PPP2R3A: variants seen among roughly 807,000 people sequenced by gnomAD.
The protein encoded by PPP2R3A is protein phosphatase 2 regulatory subunit B''alpha.
PPP2R3A carries 80 observed loss-of-function variants against 106.9 expected under a neutral mutation model. That is an observed-to-expected ratio of 0.75 (90% confidence interval 0.62 to 0.90). The LOEUF is 0.90. Among genes scored for constraint, PPP2R3A ranks in the 40% least tolerant of loss-of-function variants. The pLI is 0.00. For synonymous variants in PPP2R3A, 483 were observed against 468.3 expected (o/e 1.03, Z -0.41); for missense variants, 1,386 against 1,350.4 (o/e 1.03, Z -0.41).
At chr3:136,117,065 G>T (rs1296197056) in intron 13 of PPP2R3A, among the ~76,000 whole-genome samples, 1 of 152,138 alleles carries the variant, frequency 6.6e-6, no homozygotes, top group African/African-American at 2.4e-5. Flanking sequence ...AATCAAATTA[G>T]AACTCGGGAT....
chr3:136,083,319 G>A (rs1405488186), intron 8 of PPP2R3A, among the ~76,000 whole-genome samples: 2 of 152,162 alleles, frequency 1.3e-5, no homozygotes, highest in Non-Finnish European at 2.9e-5. Context: ...ATGGGAGTGG[G>A]TCTTTCCCAT....
chr3:136,098,057 T>C (rs910283661), intron 10 of PPP2R3A, among the ~76,000 whole-genome samples: 1 of 152,242 alleles, frequency 6.6e-6, no homozygotes, highest in African/African-American at 2.4e-5. Context: ...TCTTTAATAA[T>C]AATGTTAAAC....
intron 8 of PPP2R3A, among the ~76,000 whole-genome samples, chr3:136,087,245 GTCTCTCTCTCTCTCTC>G (rs34566151): frequency 0.024 from 1,781 of 75,136 alleles, 61 homozygotes; most frequent in African/African-American, 0.071. Context: ...CTCTAGTCGT[GTCTCTCTCTCTCTCTC>G]TCTCTCTCTC....
chr3:136,093,734 G>A lies in PPP2R3A; in HGVS notation c.2927+3067G>A, dbSNP rs998101964. On this transcript the variant is annotated intron_variant, in intron 10 of 13. Transcript: ENST00000264977. Reference sequence around the variant, plus strand: ...TTCACACTAGGATAGTTATCAAAGAGTCAGATAATAACAGGTGCTGCCAAG... The same window carrying A: ...TTCACACTAGGATAGTTATCAAAGAATCAGATAATAACAGGTGCTGCCAAG... Among the ~76,000 whole-genome samples, 2 of 152,162 alleles carry A rather than the reference G, an allele frequency of 1.3e-5. 1 individual carries two copies. The highest frequency in any genetic ancestry group is 4.1e-4 in the South Asian group (2 of 4,836).
chr3:136,018,755 TA>T (rs1934364264), intron 2 of PPP2R3A, among the ~76,000 whole-genome samples: 1 of 152,042 alleles, frequency 6.6e-6, no homozygotes, highest in African/African-American at 2.4e-5. Context: ...AGAAAAAAAA[TA>T]TTTAGTTTTT....
At chr3:136,034,248 G>A (rs1183504948) in intron 3 of PPP2R3A, among the ~76,000 whole-genome samples, 3 of 152,032 alleles carry the variant, frequency 2.0e-5, no homozygotes, top group Non-Finnish European at 2.9e-5. Context: ...TGTTTGCCAG[G>A]ATGGTCTCGA....
At chr3:136,075,454 G>A (rs1936563705) in intron 6 of PPP2R3A, among the ~76,000 whole-genome samples, 2 of 152,170 alleles carry the variant, frequency 1.3e-5, no homozygotes, top group African/African-American at 4.8e-5. Flanking sequence ...CAGTGATGTG[G>A]AAACCAACAA....
In PPP2R3A at chr3:136,040,874, C is replaced by T. The variant is rs776568514; in HGVS notation, c.2278C>T (p.Leu760Phe). The change falls in exon 4 of 14, where the codon CTC (leucine) becomes TTC (phenylalanine). Residue 760 changes from leucine to phenylalanine, a missense_variant. By Grantham distance (22) the Leu-to-Phe change is conservative. Transcript: ENST00000264977. The part of the protein sequence containing the change: ...GKIAKVCGCP[L>F]YWKAPMFRAA... ...CTATTTGCAGGTCTGTGGCTGTCCT[C>T]TCTATTGGAAAGCCCCCATGTTCAG... The T allele has an allele frequency of 3.7e-6, 6 of 1,612,768 alleles. No homozygotes were observed. Among genetic ancestry groups the T allele is most frequent in the Non-Finnish European group, 5.1e-6 (6 of 1,179,482 alleles).
At chr3:136,005,281 A>G (rs1369684188) in intron 2 of PPP2R3A, among the ~76,000 whole-genome samples, 2 of 152,216 alleles carry the variant, frequency 1.3e-5, no homozygotes, top group Non-Finnish European at 2.9e-5. Flanking sequence ...CCCATTATGT[A>G]TATGCAGATA....
chr3:135,978,178 C>G (rs184283333), intron 1 of PPP2R3A, among the ~76,000 whole-genome samples: 1 of 152,078 alleles, frequency 6.6e-6, no homozygotes, highest in Admixed American at 6.5e-5. Context: ...GCCAAGCATG[C>G]CTTATATTTA....
chr3:136,097,353 T>G (rs1270422791), intron 10 of PPP2R3A, among the ~76,000 whole-genome samples: 4 of 152,224 alleles, frequency 2.6e-5, no homozygotes, highest in Non-Finnish European at 4.4e-5. Context: ...AGGCAGCCTG[T>G]TCATTTTTCT....
intron 2 of PPP2R3A, among the ~76,000 whole-genome samples, chr3:136,013,558 A>AGGT (rs920339970): frequency 6.6e-6 from 1 of 152,114 alleles, no homozygotes; most frequent in Admixed American, 6.5e-5. Context: ...TGCAGGAGTA[A>AGGT]GGTGGTATCG....
Position 136,145,393 on chromosome 3 carries a change from C to A in PPP2R3A, c.*227C>A. The A allele has an allele frequency of 2.7e-6, 1 of 371,934 alleles. No individual in the cohort carries two copies. The highest frequency in any genetic ancestry group is 4.8e-6 in the Non-Finnish European group (1 of 206,550). 23.0% of individuals were successfully genotyped at this position (371,934 alleles called of 1,614,324 possible). On this transcript the variant is annotated 3_prime_UTR_variant, in exon 14 of 14. Coordinates refer to ENST00000264977, the MANE Select transcript of PPP2R3A (RefSeq NM_002718.5). The stretch of plus-strand genomic sequence containing the variant: ...ACGGAGCTTCTCCTCAGAAGTGGTA[C>A]CATCGCCTTCCAAAGTCAGCACTCT...
intron 1 of PPP2R3A, among the ~76,000 whole-genome samples, chr3:135,998,559 C>T (rs1307014206): frequency 2.0e-5 from 3 of 152,202 alleles, no homozygotes; most frequent in East Asian, 1.9e-4. Flanking sequence ...CCCTATGTAT[C>T]TAATGACTTT....
At chr3:136,066,573 G>A (rs1264509519) in intron 5 of PPP2R3A, among the ~76,000 whole-genome samples, 1 of 152,112 alleles carries the variant, frequency 6.6e-6, no homozygotes, top group Non-Finnish European at 1.5e-5. Flanking sequence ...CAGGAAGTAC[G>A]GTGCTGGCAT....
At chr3:136,137,939 A>T (rs1938692317) in intron 13 of PPP2R3A, among the ~76,000 whole-genome samples, 3 of 152,134 alleles carry the variant, frequency 2.0e-5, no homozygotes, top group Non-Finnish European at 4.4e-5. Flanking sequence ...TCGTCCAGGA[A>T]TGTAACTAGT....
intron 6 of PPP2R3A, among the ~76,000 whole-genome samples, chr3:136,074,305 T>C (rs1054528151): frequency 1.3e-5 from 2 of 152,190 alleles, no homozygotes; most frequent in Non-Finnish European, 1.5e-5. Flanking sequence ...TTGTCAGCTG[T>C]TTTTAGACTG....
chr3:136,012,674 G>T (rs975666119), intron 2 of PPP2R3A, among the ~76,000 whole-genome samples: 3 of 152,114 alleles, frequency 2.0e-5, no homozygotes, highest in Non-Finnish European at 4.4e-5. Context: ...AGAGCAGAAA[G>T]GTTATGAAAT....
rs139243574 is a variant in PPP2R3A at position 136,123,581 on chromosome 3, G to A, written c.3329+17259G>A. ...TGACCAATATTTTGTTTTATAAATA[G>A]GGTTCTTCAAAATCAATAGTAAGAA... On this transcript the variant is annotated intron_variant, in intron 13 of 13. Coordinates refer to ENST00000264977, the MANE Select transcript of PPP2R3A (RefSeq NM_002718.5). 4.0e-3 allele frequency among the ~76,000 whole-genome samples: 602 copies of A among 152,100 alleles called. 5 individuals carry two copies. The highest frequency in any genetic ancestry group is 0.012 in the African/African-American group (488 of 41,476).
Sources: gnomAD v4.1 joint callset for allele counts (sites outside exome capture counted in the v4.1 genomes callset) on GRCh38, gnomAD v4.1.1 for gene constraint, MANE v1.5 for transcripts, NCBI Gene and HGNC (gene_info 2026-07-23, HGNC 2026-07-21) for gene names.